The following GALNT7 variants were observed in gnomAD, a reference collection of about 807,000 sequenced individuals.
The protein encoded by GALNT7 is polypeptide N-acetylgalactosaminyltransferase 7, also known as N-acetylgalactosaminyltransferase 7.
Under a neutral mutation model 82.1 loss-of-function variants are expected in GALNT7, and 60 were observed. That is an observed-to-expected ratio of 0.73 (90% CI 0.59 to 0.91). The LOEUF (loss-of-function observed/expected upper bound fraction) is 0.91, where lower values mean the gene tolerates loss of function less well. Among genes scored for constraint, GALNT7 ranks in the 40% least tolerant of loss-of-function variants. GALNT7 has a pLI of 0.00. For synonymous variants in GALNT7, 243 were observed against 275.1 expected (o/e 0.88, Z 1.15); for missense variants, 660 against 804.2 (o/e 0.82, Z 2.17).
At chr4:173,281,779 C>T (rs73001541) in intron 2 of GALNT7, among the ~76,000 whole-genome samples, 4,068 of 152,282 alleles carry the variant, frequency 0.027, 94 homozygotes, top group African/African-American at 0.066. Context: ...TCCAGATTTC[C>T]TACCTCTCCC....
chr4:173,278,061 G>A (rs1016386299), intron 2 of GALNT7, among the ~76,000 whole-genome samples: 3 of 152,186 alleles, frequency 2.0e-5, no homozygotes, highest in Admixed American at 2.0e-4. Flanking sequence ...AGGGGAGAGA[G>A]AAAACTTGTT....
At chr4:173,278,604 A>G (rs916538272) in intron 2 of GALNT7, among the ~76,000 whole-genome samples, 3 of 152,244 alleles carry the variant, frequency 2.0e-5, no homozygotes, top group African/African-American at 7.2e-5. Flanking sequence ...ACTAAGTTCA[A>G]CTGCTGAAAT....
chr4:173,282,033 G>A (rs560830465), intron 2 of GALNT7, among the ~76,000 whole-genome samples: 14 of 152,332 alleles, frequency 9.2e-5, no homozygotes, highest in Non-Finnish European at 1.9e-4. Context: ...GCACTTCGCA[G>A]CGGAGAGGGG....
chr4:173,255,976 A>G (rs1000678526), intron 2 of GALNT7, among the ~76,000 whole-genome samples: 2 of 152,158 alleles, frequency 1.3e-5, no homozygotes, highest in Non-Finnish European at 2.9e-5. Context: ...GTAAATAGGG[A>G]AATTATATCA....
intron 2 of GALNT7, among the ~76,000 whole-genome samples, chr4:173,284,033 A>C (rs1488114219): frequency 6.6e-6 from 1 of 152,218 alleles, no homozygotes; most frequent in Non-Finnish European, 1.5e-5. Context: ...AGTTTCCTTG[A>C]CTCTGAAAAA....
At chr4:173,262,209 A>G (rs2126768161) in intron 2 of GALNT7, among the ~76,000 whole-genome samples, 1 of 152,274 alleles carries the variant, frequency 6.6e-6, no homozygotes, top group Middle Eastern at 3.4e-3. Context: ...GTAATTGTGG[A>G]TACTCCTTTT....
At position 173,216,719 on chromosome 4, in the gene GALNT7, A is replaced by ATTTT. The variant is rs1269758613; in HGVS notation, c.127-31260_127-31259insTTTT. Among the ~76,000 whole-genome samples, 82 of 13,448 alleles carry ATTTT rather than the reference A, an allele frequency of 6.1e-3. 1 individual carries two copies. Among genetic ancestry groups the ATTTT allele is most frequent in the African/African-American group, 0.012 (80 of 6,500 alleles). The allele number at this position is 13,448 out of a possible 152,430, so 8.8% of individuals were successfully genotyped here. A position where few individuals can be genotyped will look rare whatever the true frequency, so the allele number is the denominator to read the frequency against. Reference sequence around the variant, plus strand: ...TTGTGTACTATTCATATATATATATATATATATATTTTTTTTTTTTTTTTT... The same window carrying ATTTT: ...TTGTGTACTATTCATATATATATATATTTTTATATATATTTTTTTTTTTTTTTTT... On this transcript the variant is annotated intron_variant, in intron 1 of 11. Coordinates refer to ENST00000265000, the MANE Select transcript of GALNT7 (RefSeq NM_017423.3).
chr4:173,307,227 G>T (rs1737191603), intron 8 of GALNT7, among the ~76,000 whole-genome samples: 1 of 152,258 alleles, frequency 6.6e-6, no homozygotes, highest in African/African-American at 2.4e-5. Context: ...ACTTGCAGCG[G>T]CAGTGGCCCT....
intron 11 of GALNT7, among the ~76,000 whole-genome samples, chr4:173,319,205 T>G (rs1737715919): frequency 6.6e-6 from 1 of 152,132 alleles, no homozygotes; most frequent in Non-Finnish European, 1.5e-5. Flanking sequence ...TGTATAGTTT[T>G]CAAATTCTAG....
intron 1 of GALNT7, among the ~76,000 whole-genome samples, chr4:173,206,136 G>A (rs1733089851): frequency 6.6e-6 from 1 of 152,202 alleles, no homozygotes; most frequent in Non-Finnish European, 1.5e-5. Context: ...GGCTGCAGGG[G>A]ATAGCCTGGT....
chr4:173,238,662 A>C (rs1734311656), intron 1 of GALNT7, among the ~76,000 whole-genome samples: 1 of 152,196 alleles, frequency 6.6e-6, no homozygotes. Context: ...AGTTCAGTTC[A>C]AATCAGCTAA....
intron 1 of GALNT7, among the ~76,000 whole-genome samples, chr4:173,178,052 T>TGTGTGTGTGTGCGCGCGCGCGCGCGC (rs563102408): frequency 7.7e-6 from 1 of 129,510 alleles, no homozygotes; most frequent in African/African-American, 3.1e-5. Context: ...TGTGTGTGTG[T>TGTGTGTGTGTGCGCGCGCGCGCGCGC]GCGCGCACGC....
At chr4:173,304,202 T>C in intron 8 of GALNT7, 84 bp downstream of exon 8, 2 of 1,155,878 alleles carry the variant, frequency 1.7e-6, no homozygotes, top group Non-Finnish European at 2.5e-6. Context: ...AATTGTCAGC[T>C]TATTGAGTGG....
Position 173,311,292 on chromosome 4 carries a change from T to C in GALNT7, c.1390-2666T>C, listed in dbSNP as rs988193113. 2.6e-5 allele frequency among the ~76,000 whole-genome samples: 4 copies of C among 152,228 alleles called. No individual in the cohort carries two copies. In the East Asian group the frequency reaches 7.7e-4, roughly 29 times the overall value. On this transcript the variant is annotated intron_variant, in intron 8 of 11. Transcript: ENST00000265000. ...ATACATAACTCTTCAGGTTTGTTCA[T>C]GTCTAGAGTACATGTACTGTGTCTA...
intron 1 of GALNT7, among the ~76,000 whole-genome samples, chr4:173,237,759 TA>T (rs34258933): frequency 0.42 from 60,657 of 144,348 alleles, 12,949 homozygotes; most frequent in Admixed American, 0.55. Context: ...TTCCCTGGAT[TA>T]AAAAAAAAAA....
At chr4:173,295,650 T>C in intron 4 of GALNT7, 114 bp from the exon 5 acceptor site, 2 of 1,139,754 alleles carry the variant, frequency 1.8e-6, no homozygotes, top group Non-Finnish European at 2.6e-6. Context: ...AGATAACTTA[T>C]GTGTCAGAAT....
chr4:173,310,312 T>C (rs1425047060), intron 8 of GALNT7, among the ~76,000 whole-genome samples: 1 of 152,238 alleles, frequency 6.6e-6, no homozygotes, highest in East Asian at 1.9e-4. Context: ...TGTAGAGTTG[T>C]TCCCTGTCCC....
intron 5 of GALNT7, among the ~76,000 whole-genome samples, chr4:173,296,837 C>T (rs2126837518): frequency 6.6e-6 from 1 of 152,250 alleles, no homozygotes; most frequent in South Asian, 2.1e-4. Context: ...TGGCAGATTC[C>T]ACAAATCTGA....
intron 8 of GALNT7, among the ~76,000 whole-genome samples, chr4:173,313,015 C>T (rs978896725): frequency 1.4e-4 from 21 of 151,962 alleles, no homozygotes; most frequent in African/African-American, 4.8e-4. Flanking sequence ...GCCGAGATTG[C>T]GTCACTGCAC....
Sources: allele counts gnomAD v4.1 joint callset (sites outside exome capture counted in the v4.1 genomes callset), GRCh38; gene constraint gnomAD v4.1.1; transcripts MANE v1.5; gene names NCBI Gene and HGNC (gene_info 2026-07-23, HGNC 2026-07-21).